The following PTPRM variants were observed in gnomAD, a reference collection of about 807,000 sequenced individuals.
PTPRM encodes protein tyrosine phosphatase receptor type M, also known as receptor-type tyrosine-protein phosphatase mu.
Under a neutral mutation model 186.7 loss-of-function variants are expected in PTPRM, and 47 were observed. The observed-to-expected ratio is 0.25, with a 90% CI of 0.20 to 0.32. The LOEUF is 0.32. PTPRM is among the 10% of genes least tolerant of loss of function. The pLI, the probability that PTPRM is intolerant of heterozygous loss-of-function variation, is 1.00. For missense variants in PTPRM, 1,494 were observed against 1,865.0 expected, an observed-to-expected ratio of 0.80 and a Z score of 3.66; for synonymous variants, 668 against 674.9, an observed-to-expected ratio of 0.99 and a Z score of 0.16.
chr18:8,151,438 G>A lies in PTPRM; in HGVS notation c.2300+7659G>A, dbSNP rs1019019817. The stretch of plus-strand genomic sequence containing the variant: ...TTGTTTATACTATGAGGGGAAAACC[G>A]CCTACTCAAGCCTCAGCAATGGCAG... On this transcript the variant is annotated intron_variant, in intron 14 of 32. Coordinates refer to ENST00000580170, the MANE Select transcript of PTPRM (RefSeq NM_001105244.2). 5.3e-5 allele frequency among the ~76,000 whole-genome samples: 8 copies of A among 151,550 alleles called. No individual in the cohort carries two copies. The South Asian group carries it at 8.4e-4, about 16-fold the overall frequency.
chr18:7,801,066 T>G (rs1314878324), intron 2 of PTPRM, among the ~76,000 whole-genome samples: 1 of 152,186 alleles, frequency 6.6e-6, no homozygotes, highest in East Asian at 1.9e-4. Context: ...TTGACACTAC[T>G]GTGGATTTTA....
intron 14 of PTPRM, among the ~76,000 whole-genome samples, chr18:8,156,331 G>A (rs2093121387): frequency 6.6e-6 from 1 of 152,174 alleles, no homozygotes; most frequent in South Asian, 2.1e-4. Context: ...GTCAGAGAAT[G>A]ATAAGAGTCA....
intron 14 of PTPRM, among the ~76,000 whole-genome samples, chr18:8,174,414 A>G (rs1017188100): frequency 6.6e-6 from 1 of 152,228 alleles, no homozygotes; most frequent in African/African-American, 2.4e-5. Flanking sequence ...CCTCACTGTT[A>G]TAATTTTTGC....
At chr18:8,098,375 A>G (rs2091114926) in intron 11 of PTPRM, among the ~76,000 whole-genome samples, 2 of 152,212 alleles carry the variant, frequency 1.3e-5, no homozygotes, top group Non-Finnish European at 2.9e-5. Context: ...TAAGAGTGCA[A>G]TAAATGTTTA....
chr18:8,132,791 G>T (rs892993267), intron 13 of PTPRM, among the ~76,000 whole-genome samples: 2 of 152,150 alleles, frequency 1.3e-5, no homozygotes, highest in African/African-American at 4.8e-5. Context: ...ACAGCGTTGA[G>T]TGCTGAAGAT....
chr18:7,905,071 G>A (rs1173719449), intron 3 of PTPRM, among the ~76,000 whole-genome samples: 1 of 151,980 alleles, frequency 6.6e-6, no homozygotes, highest in African/African-American at 2.4e-5. Context: ...TCGGCTCACT[G>A]CAACCTCCGC....
chr18:7,910,837 G>T (rs2050225386), intron 4 of PTPRM, among the ~76,000 whole-genome samples: 1 of 152,156 alleles, frequency 6.6e-6, no homozygotes, highest in African/African-American at 2.4e-5. Context: ...TGTCACTTGG[G>T]TGTGGAAAGT....
Position 8,380,283 on chromosome 18 carries a change from T to A in PTPRM, c.3787-13T>A, listed in dbSNP as rs200282877. 629 of 1,612,146 alleles carry A rather than the reference T, an allele frequency of 3.9e-4. 1 individual carries two copies. Among genetic ancestry groups the A allele is most frequent in the Non-Finnish European group, 5.0e-4 (595 of 1,178,376 alleles). ...CCTGAGTATATTTGGAGCATTCTTG[T>A]TTGTGTTTGCAGAGCTATAAACAGC... On this transcript the variant is annotated splice_polypyrimidine_tract_variant and intron_variant, in intron 28 of 32. Coordinates refer to ENST00000580170, the MANE Select transcript of PTPRM (RefSeq NM_001105244.2).
chr18:8,352,652 G>GTTTTTTTTTTTTTT (rs142090056), intron 23 of PTPRM, among the ~76,000 whole-genome samples: 7 of 102,252 alleles, frequency 6.8e-5, no homozygotes, highest in Admixed American at 9.7e-5. Context: ...TTTTTGGTTT[G>GTTTTTTTTTTTTTT]GTTTTTTTTG....
rs1568137374 is a variant in PTPRM at position 7,793,108 on chromosome 18, T to G, written c.196+18837T>G. ...CAACTTGGAGATAATAATAAATATA[T>G]TCCCAGAACACAGTTTGATGGCATT... is the stretch of plus-strand genomic sequence containing the variant. On this transcript the variant is annotated intron_variant, in intron 2 of 32. Coordinates refer to ENST00000580170, the MANE Select transcript of PTPRM (RefSeq NM_001105244.2). Among the ~76,000 whole-genome samples, 3 of 152,328 alleles carry G rather than the reference T, an allele frequency of 2.0e-5. No individual in the cohort carries two copies. The East Asian group carries it at 5.8e-4, about 29-fold the overall frequency.
chr18:7,667,436 A>C (rs937207914), intron 1 of PTPRM, among the ~76,000 whole-genome samples: 1 of 152,202 alleles, frequency 6.6e-6, no homozygotes, highest in Non-Finnish European at 1.5e-5. Context: ...CAAAGCACTA[A>C]CACAGAATTA....
intron 7 of PTPRM, among the ~76,000 whole-genome samples, chr18:8,036,889 C>A (rs1174392284): frequency 6.6e-6 from 1 of 152,200 alleles, no homozygotes; most frequent in African/African-American, 2.4e-5. Flanking sequence ...CAGTTTTTCT[C>A]ATGTCCACAG....
chr18:8,264,630 G>A lies in PTPRM; in HGVS notation c.2754+11216G>A, dbSNP rs144969675. Among the ~76,000 whole-genome samples the A allele has an allele frequency of 8.1e-3, 1,231 of 152,116 alleles. 13 individuals are homozygous for A. The highest frequency in any genetic ancestry group is 0.027 in the African/African-American group (1,131 of 41,498). ...CTAAAATACAAAAAATTAGCTGGGC[G>A]TGGTGGTGCGCACCTGTAGTCCCAG... On this transcript the variant is annotated intron_variant, in intron 19 of 32. Transcript: ENST00000580170.
intron 7 of PTPRM, among the ~76,000 whole-genome samples, chr18:8,032,621 T>G (rs1052367284): frequency 6.6e-6 from 1 of 152,146 alleles, no homozygotes; most frequent in Non-Finnish European, 1.5e-5. Context: ...TTAAAGTTTA[T>G]TTGGAGAATT....
intron 7 of PTPRM, among the ~76,000 whole-genome samples, chr18:7,958,739 C>G (rs2053479402): frequency 6.6e-6 from 1 of 152,160 alleles, no homozygotes; most frequent in Non-Finnish European, 1.5e-5. Context: ...TCATGCTTAT[C>G]AAGTACTATT....
intron 19 of PTPRM, among the ~76,000 whole-genome samples, chr18:8,267,929 G>A (rs142514682): frequency 5.9e-5 from 9 of 152,108 alleles, no homozygotes; most frequent in East Asian, 5.8e-4. Flanking sequence ...TGAATTGTTC[G>A]TATCCTTTGC....
chr18:8,275,502 A>G (rs2094823589), intron 19 of PTPRM, among the ~76,000 whole-genome samples: 1 of 152,176 alleles, frequency 6.6e-6, no homozygotes, highest in East Asian at 1.9e-4. Flanking sequence ...AGAGCTTTAT[A>G]GGTAGGTAAA....
At chr18:7,850,634 A>T (rs2046815304) in intron 2 of PTPRM, among the ~76,000 whole-genome samples, 1 of 152,196 alleles carries the variant, frequency 6.6e-6, no homozygotes, top group African/African-American at 2.4e-5. Flanking sequence ...CTGTAGGAAT[A>T]AGAGTGAATC....
intron 2 of PTPRM, among the ~76,000 whole-genome samples, chr18:7,801,474 C>G (rs942186083): frequency 1.2e-4 from 19 of 152,168 alleles, no homozygotes; most frequent in African/African-American, 4.6e-4. Context: ...CCTAGGATAA[C>G]AGTGCCTTCT....
Sources: allele counts gnomAD v4.1 joint callset (sites outside exome capture counted in the v4.1 genomes callset), GRCh38; gene constraint gnomAD v4.1.1; transcripts MANE v1.5; gene names NCBI Gene and HGNC (gene_info 2026-07-23, HGNC 2026-07-21).